The following SI variants were observed in gnomAD, a reference collection of about 807,000 sequenced individuals.
The protein encoded by SI is sucrase-isomaltase, intestinal.
A neutral mutation model predicts 253.3 loss-of-function variants in SI; 235 were observed. The observed-to-expected ratio is 0.93, with a 90% CI of 0.83 to 1.03. The LOEUF (loss-of-function observed/expected upper bound fraction) is 1.03, where lower values mean the gene tolerates loss of function less well. Ranked by LOEUF, SI falls within the 50% of genes least tolerant of loss-of-function variation. The pLI is 0.00. For synonymous variants in SI, 819 were observed against 712.0 expected (o/e 1.15, Z -2.39); for missense variants, 2,442 against 2,211.1 (o/e 1.10, Z -2.09).
intron 13 of SI, among the ~76,000 whole-genome samples, chr3:165,051,674 C>T (rs1420803304): frequency 2.0e-5 from 3 of 151,656 alleles, no homozygotes; most frequent in African/African-American, 4.8e-5. Context: ...TTTTAACATC[C>T]GAATATATAA....
the SI span, among the ~76,000 whole-genome samples, chr3:165,088,209 G>A: frequency 6.6e-6 from 1 of 151,960 alleles, no homozygotes; most frequent in East Asian, 1.9e-4. Flanking sequence ...AGTTGGGCAT[G>A]GTGGCACATG....
chr3:165,005,338 A>T (rs1018673683), intron 37 of SI, among the ~76,000 whole-genome samples: 23 of 152,176 alleles, frequency 1.5e-4, no homozygotes, highest in Admixed American at 3.3e-4. Context: ...ACTTAAAAAA[A>T]ACCCTAAAAG....
intron 3 of SI, among the ~76,000 whole-genome samples, chr3:165,071,518 T>G (rs963131619): frequency 7.3e-5 from 11 of 151,608 alleles, no homozygotes; most frequent in African/African-American, 2.7e-4. Flanking sequence ...TAATTTCATA[T>G]GTAATAATAT....
chr3:165,083,738 C>A, the SI span, among the ~76,000 whole-genome samples: 2 of 151,968 alleles, frequency 1.3e-5, no homozygotes, highest in East Asian at 3.9e-4. Context: ...CTATTACCTT[C>A]TTTGGCCTTC....
Position 165,049,881 on chromosome 3 carries a change from T to A in SI, c.1513-6A>T, listed in dbSNP as rs760239620. The A allele has an allele frequency of 6.4e-7, 1 of 1,560,680 alleles. No homozygotes were observed. The highest frequency in any genetic ancestry group is 1.1e-5 in the South Asian group (1 of 89,932). On this transcript the variant is annotated splice_polypyrimidine_tract_variant and splice_region_variant and intron_variant, in intron 13 of 47. Coordinates refer to ENST00000264382, the MANE Select transcript of SI (RefSeq NM_001041.4). ...CTGGAAACTTCATTCATGTCCTGAA[T>A]GGATACAAAATGAAGAACAGCAGAT... is the stretch of plus-strand genomic sequence containing the variant.
At chr3:165,044,093 T>C (rs1238314658) in intron 16 of SI, among the ~76,000 whole-genome samples, 4 of 151,990 alleles carry the variant, frequency 2.6e-5, no homozygotes, top group African/African-American at 9.7e-5. Flanking sequence ...CAAAATTATA[T>C]AAAATTACCT....
chr3:164,985,010 A>G (rs1478698809), intron 45 of SI, among the ~76,000 whole-genome samples: 1 of 152,192 alleles, frequency 6.6e-6, no homozygotes, highest in Non-Finnish European at 1.5e-5. Flanking sequence ...ATTGTGAAAC[A>G]TAACAAAATA....
intron 45 of SI, among the ~76,000 whole-genome samples, chr3:164,984,512 A>C (rs965705957): frequency 6.6e-6 from 1 of 152,156 alleles, no homozygotes; most frequent in African/African-American, 2.4e-5. Flanking sequence ...CTGAGTTAAA[A>C]AAAGCAAAAG....
intron 13 of SI, 65 bp downstream of exon 13, chr3:165,055,129 A>ACT: frequency 1.1e-6 from 1 of 934,622 alleles, no homozygotes; most frequent in Non-Finnish European, 1.7e-6. Context: ...TTGACTTAGT[A>ACT]ATTTTTACAG....
chr3:165,065,733 A>G (rs920328721), intron 6 of SI, among the ~76,000 whole-genome samples: 6 of 151,558 alleles, frequency 4.0e-5, no homozygotes, highest in Non-Finnish European at 8.8e-5. Flanking sequence ...ACAAACTGGG[A>G]TAATTAATTG....
At chr3:165,012,578 G>A (rs778297883) in intron 34 of SI, among the ~76,000 whole-genome samples, 29 of 149,412 alleles carry the variant, frequency 1.9e-4, no homozygotes, top group Admixed American at 9.3e-4. Flanking sequence ...ACAGGCTCCC[G>A]CCACCACGCC....
chr3:164,988,243 T>C lies in SI; in HGVS notation c.5109-1017A>G, dbSNP rs1325281282. On this transcript the variant is annotated intron_variant, in intron 44 of 47. Transcript: ENST00000264382. ...CGGAAGTCTCCTAAAATTTCCAGAA[T>C]CTCTAGAGTTCAAATCTCCACAGTA... 9.9e-5 allele frequency among the ~76,000 whole-genome samples: 15 copies of C among 152,276 alleles called. No homozygotes were observed. The East Asian group carries it at 2.5e-3, about 26-fold the overall frequency.
chr3:164,989,411 A>G (rs1000117798), intron 44 of SI, among the ~76,000 whole-genome samples: 2 of 147,338 alleles, frequency 1.4e-5, no homozygotes, highest in African/African-American at 5.0e-5. Context: ...AAAGAAAGAA[A>G]GAAAGAAAGA....
chr3:165,030,877 C>CAAAAAAAAAAA lies in SI; in HGVS notation c.2737-21_2737-11dup, dbSNP rs11452619. On this transcript the variant is annotated splice_polypyrimidine_tract_variant and intron_variant, in intron 24 of 47. Transcript: ENST00000264382. ...CTGCAATTAGGAGAACCTTTGAAGACAAAAAAAAAAAAAGAAAAAAAGAAA... is the reference window on the plus strand; with the variant it reads ...CTGCAATTAGGAGAACCTTTGAAGACAAAAAAAAAAAAAAAAAAAAAAAAGAAAAAAAGAAA... The CAAAAAAAAAAA allele has an allele frequency of 3.0e-5, 37 of 1,219,696 alleles. No homozygotes were observed. Among genetic ancestry groups the CAAAAAAAAAAA allele is most frequent in the South Asian group, 2.1e-4 (11 of 52,168 alleles). 75.6% of individuals were successfully genotyped at this position (1,219,696 alleles called of 1,614,324 possible).
chr3:165,043,415 A>G (rs1712950727), intron 16 of SI, among the ~76,000 whole-genome samples: 1 of 151,802 alleles, frequency 6.6e-6, no homozygotes, highest in African/African-American at 2.4e-5. Flanking sequence ...TTTTGTATTT[A>G]CATTTTACTC....
In SI at chr3:165,063,497, A is replaced by G. The variant is rs1017286813; in HGVS notation, c.852T>C (p.Ile284=). The stretch of plus-strand genomic sequence containing the variant: ...CGAATGACTTTCCAGATGTATCTTC[A>G]ATACACATAAAGAATGTTTGATGGC... ...LYGHQTFFMC[I]EDTSGKSFGV... The change falls in exon 8 of 48, where the codon ATT becomes ATC. Residue 284 remains isoleucine (I), a synonymous_variant. Coordinates refer to ENST00000264382, the MANE Select transcript of SI (RefSeq NM_001041.4). The G allele has an allele frequency of 1.3e-6, 2 of 1,566,058 alleles. No homozygotes were observed. The highest frequency in any genetic ancestry group is 1.8e-6 in the Non-Finnish European group (2 of 1,140,486).
rs202203549 is a variant in SI, at chr3:165,055,221, T to G, written c.1485A>C (p.Gln495His). The G allele has an allele frequency of 3.1e-6, 5 of 1,609,918 alleles. No homozygotes were observed. Among genetic ancestry groups the G allele is most frequent in the Middle Eastern group, 1.7e-4 (1 of 6,038 alleles). ...TCCAAAGTCCATCATATTGCACTTC[T>G]TGATGGAAAATACTGCATTCATTTG... The part of the protein sequence containing the change: ...WWANECSIFH[Q>H]EVQYDGLWID... The change falls in exon 13 of 48, where the codon CAA (glutamine) becomes CAC (histidine). Residue 495 changes from glutamine (Q) to histidine (H), a missense_variant. Physicochemically the swap from Gln to His is conservative, Grantham distance 24 (BLOSUM62 0). Transcript: ENST00000264382.
Position 165,067,396 on chromosome 3 carries a change from C to A in SI, c.579G>T (p.Lys193Asn), listed in dbSNP as rs980555067. 27 of 1,612,636 alleles carry A rather than the reference C, an allele frequency of 1.7e-5. No individual in the cohort carries two copies. The Middle Eastern group carries it at 6.6e-4, about 39-fold the overall frequency. ...GGATGCTAAATGGGTTTTGGGCAACCTTCACATCATACAACGTATCAGAAA... is the reference window on the plus strand; with the variant it reads ...GGATGCTAAATGGGTTTTGGGCAACATTCACATCATACAACGTATCAGAAA... ...PTVSDTLYDV[K>N]VAQNPFSIQV... Residue 193 changes from lysine (K) to asparagine (N), a missense_variant, in exon 6 of 48, where the codon AAG (lysine) becomes AAT (asparagine). Physicochemically the swap from Lys to Asn is moderately conservative, Grantham distance 94. Transcript: ENST00000264382.
intron 1 of SI, among the ~76,000 whole-genome samples, chr3:165,077,393 G>A (rs1715068072): frequency 6.6e-6 from 1 of 151,658 alleles, no homozygotes; most frequent in African/African-American, 2.4e-5. Context: ...TCCTCAATTA[G>A]ATCGTTACAT....
Sources: gnomAD v4.1 joint callset for allele counts (sites outside exome capture counted in the v4.1 genomes callset) on GRCh38, gnomAD v4.1.1 for gene constraint, MANE v1.5 for transcripts, NCBI Gene and HGNC (gene_info 2026-07-23, HGNC 2026-07-21) for gene names.